Variants in SAMD5 observed in about 807,000 individuals in gnomAD.
The protein encoded by SAMD5 is sterile alpha motif domain containing 5, also known as sterile alpha motif domain-containing protein 5.
Under a neutral mutation model 11.3 loss-of-function variants are expected in SAMD5, and 13 were observed. The observed-to-expected ratio is 1.15, with a 90% CI of 0.75 to 1.83. SAMD5 has a LOEUF of 1.83. Among genes scored for constraint, SAMD5 ranks in the 40% most tolerant of loss-of-function variants. The pLI, the probability that SAMD5 is intolerant of heterozygous loss-of-function variation, is 0.00. For synonymous variants in SAMD5, 129 were observed against 111.3 expected (o/e 1.16, Z -1.00); for missense variants, 255 against 239.1 (o/e 1.07, Z -0.44).
the SAMD5 span, among the ~76,000 whole-genome samples, chr6:147,865,272 G>T: frequency 6.6e-6 from 1 of 151,344 alleles, no homozygotes; most frequent in Non-Finnish European, 1.5e-5. Flanking sequence ...GTACATGTAG[G>T]TATATAAGTG....
intron 1 of SAMD5, among the ~76,000 whole-genome samples, chr6:147,581,161 G>A (rs985916512): frequency 6.6e-6 from 1 of 152,182 alleles, no homozygotes; most frequent in Non-Finnish European, 1.5e-5. Context: ...GATGTGGGAC[G>A]AAGGAGAAGG....
At chr6:147,720,419 C>T (rs969634777) in intron 1 of SAMD5, among the ~76,000 whole-genome samples, 4 of 151,572 alleles carry the variant, frequency 2.6e-5, no homozygotes, top group East Asian at 2.0e-4. Context: ...GCCGAGATAG[C>T]GCCACTGCAC....
Position 147,569,599 on chromosome 6 carries a change from G to A in SAMD5, c.*5143G>A. On this transcript the variant is annotated 3_prime_UTR_variant, in exon 2 of 2. Transcript: ENST00000367474. ...GAAATGCTGTGTTAAATATCTCCAG[G>A]GCAAAGTGGTATGTTGACTGGGACA... 5.1e-6 allele frequency: 5 copies of A among 984,166 alleles called. No individual in the cohort carries two copies. Among genetic ancestry groups the A allele is most frequent in the Non-Finnish European group, 6.0e-6 (5 of 828,856 alleles). The allele number at this position is 984,166 out of a possible 1,614,324, so 61.0% of individuals were successfully genotyped here. A position where few individuals can be genotyped will look rare whatever the true frequency, so the allele number is the denominator to read the frequency against.
chr6:147,748,503 A>AT, the SAMD5 span, among the ~76,000 whole-genome samples: 2 of 152,186 alleles, frequency 1.3e-5, no homozygotes, highest in African/African-American at 2.4e-5. Flanking sequence ...TACATAAGTG[A>AT]TTTTTATCAT....
the SAMD5 span, among the ~76,000 whole-genome samples, chr6:147,859,395 C>T: frequency 6.6e-6 from 1 of 152,126 alleles, no homozygotes; most frequent in African/African-American, 2.4e-5. Flanking sequence ...CATCATGTGG[C>T]TTACAGAGAG....
chr6:147,546,582 T>A (rs1788691411), intron 1 of SAMD5, among the ~76,000 whole-genome samples: 2 of 151,840 alleles, frequency 1.3e-5, no homozygotes, highest in South Asian at 4.2e-4. Flanking sequence ...TATTTCTGCT[T>A]ACATCCCATT....
At chr6:147,843,011 C>CA in the SAMD5 span, among the ~76,000 whole-genome samples, 1 of 152,114 alleles carries the variant, frequency 6.6e-6, no homozygotes, top group Non-Finnish European at 1.5e-5. Context: ...AGGTGCCTGC[C>CA]ACCACGCCTA....
chr6:147,863,958 C>A, the SAMD5 span, among the ~76,000 whole-genome samples: 4 of 151,416 alleles, frequency 2.6e-5, no homozygotes, highest in African/African-American at 9.7e-5. Flanking sequence ...AATCTCCTGC[C>A]TCAGCGTCCC....
At chr6:147,582,505 C>T (rs925896666) in intron 1 of SAMD5, among the ~76,000 whole-genome samples, 17 of 152,086 alleles carry the variant, frequency 1.1e-4, no homozygotes, top group African/African-American at 3.4e-4. Flanking sequence ...CTAATGTAAA[C>T]GTTCTCATAA....
chr6:147,798,815 T>A, the SAMD5 span, among the ~76,000 whole-genome samples: 1 of 152,196 alleles, frequency 6.6e-6, no homozygotes, highest in East Asian at 1.9e-4. Context: ...CCCTTTACCA[T>A]TATGTAATGG....
chr6:147,943,606 C>T, the SAMD5 span, among the ~76,000 whole-genome samples: 1 of 152,066 alleles, frequency 6.6e-6, no homozygotes, highest in Non-Finnish European at 1.5e-5. Flanking sequence ...CTCTCACTCA[C>T]CTCTGCAAAC....
At chr6:147,559,428 A>G (rs1788911404) in intron 1 of SAMD5, among the ~76,000 whole-genome samples, 1 of 152,158 alleles carries the variant, frequency 6.6e-6, no homozygotes, top group Admixed American at 6.5e-5. Context: ...CAGTAGGAAA[A>G]TGTCCAGCCA....
chr6:147,916,342 T>G, the SAMD5 span, among the ~76,000 whole-genome samples: 1 of 152,150 alleles, frequency 6.6e-6, no homozygotes, highest in Non-Finnish European at 1.5e-5. Context: ...TCTTCCACAA[T>G]GGTTGAACTA....
chr6:147,844,951 T>G, the SAMD5 span, among the ~76,000 whole-genome samples: 1 of 152,056 alleles, frequency 6.6e-6, no homozygotes, highest in African/African-American at 2.4e-5. Flanking sequence ...TTAATAATAA[T>G]GTGTTGTATA....
intron 1 of SAMD5, among the ~76,000 whole-genome samples, chr6:147,625,428 T>C (rs1195698169): frequency 6.6e-6 from 1 of 152,236 alleles, no homozygotes; most frequent in Non-Finnish European, 1.5e-5. Context: ...TATTATTAGG[T>C]GAGCTTCTGA....
chr6:147,603,571 T>TC (rs1171681867), intron 1 of SAMD5, among the ~76,000 whole-genome samples: 2 of 152,140 alleles, frequency 1.3e-5, no homozygotes, highest in Admixed American at 1.3e-4. Flanking sequence ...TGGCTGCATC[T>TC]CCCAGCACCA....
At chr6:147,735,967 T>A (rs982009958) in intron 1 of SAMD5, among the ~76,000 whole-genome samples, 12 of 152,148 alleles carry the variant, frequency 7.9e-5, no homozygotes, top group Admixed American at 2.0e-4. Flanking sequence ...TCTTTTCTCA[T>A]CTGTAAAATG....
the SAMD5 span, among the ~76,000 whole-genome samples, chr6:147,758,813 T>C: frequency 2.6e-5 from 4 of 152,040 alleles, no homozygotes; most frequent in African/African-American, 9.7e-5. Flanking sequence ...CCTCCTCCTG[T>C]TGGGGGTACT....
Position 147,623,559 on chromosome 6 carries a change from G to A in SAMD5, c.163-113758G>A, listed in dbSNP as rs142095896. Among the ~76,000 whole-genome samples the A allele has an allele frequency of 9.0e-3, 1,366 of 152,252 alleles. 13 individuals are homozygous for A. The highest frequency in any genetic ancestry group is 0.02 in the Admixed American group (301 of 15,298). Reference sequence around the variant, plus strand: ...ATCTGATATTATCTTTGCCATTTTCGTGATGTATTTTCTTGTTAGAGCACA... The same window carrying A: ...ATCTGATATTATCTTTGCCATTTTCATGATGTATTTTCTTGTTAGAGCACA... On this transcript the variant is annotated intron_variant, in intron 1 of 1. Transcript: ENST00000566741.
Sources: allele counts gnomAD v4.1 joint callset (sites outside exome capture counted in the v4.1 genomes callset), GRCh38; gene constraint gnomAD v4.1.1; transcripts MANE v1.5; gene names NCBI Gene and HGNC (gene_info 2026-07-23, HGNC 2026-07-21).